PFKFB3: variants seen among roughly 807,000 people sequenced by gnomAD.
PFKFB3 encodes the protein 6-phosphofructo-2-kinase/fructose-2,6-bisphosphatase 3.
Under a neutral mutation model 68.0 loss-of-function variants are expected in PFKFB3, and 33 were observed. The ratio of observed to expected loss-of-function variants is 0.49; its 90% CI spans 0.37 to 0.65. The LOEUF is 0.65. PFKFB3 is among the 30% of genes least tolerant of loss of function. The pLI, the probability that PFKFB3 is intolerant of heterozygous loss-of-function variation, is 0.00. For missense variants in PFKFB3, 586 were observed against 712.2 expected (o/e 0.82, Z 2.02); for synonymous variants, 315 against 288.2 (o/e 1.09, Z -0.94).
chr10:6,238,477 C>CAAAAAAAAAAAAAAAA (rs71390201), downstream of PFKFB3, among the ~76,000 whole-genome samples: 2 of 89,556 alleles, frequency 2.2e-5, no homozygotes, highest in Admixed American at 1.1e-4. Context: ...GGTGCCATCT[C>CAAAAAAAAAAAAAAAA]AAAAAAAAAA....
At chr10:6,308,803 A>G in the PFKFB3 span, among the ~76,000 whole-genome samples, 4 of 152,352 alleles carry the variant, frequency 2.6e-5, no homozygotes, top group East Asian at 5.8e-4. Context: ...TGATCAGTGT[A>G]AATCTTTCTT....
Position 6,222,563 on chromosome 10 carries a change from T to A in PFKFB3, c.1084-292T>A, listed in dbSNP as rs1334392975. 1.3e-5 allele frequency: 3 copies of A among 239,510 alleles called. No homozygotes were observed. In the Admixed American group the frequency reaches 1.6e-4, roughly 13 times the overall value. 14.8% of individuals were successfully genotyped at this position (239,510 alleles called of 1,614,324 possible). On this transcript the variant is annotated intron_variant, in intron 10 of 14. Coordinates refer to ENST00000379775, the MANE Select transcript of PFKFB3 (RefSeq NM_004566.4). ...GCTTCCTGCATCTGGATCTGCCTATTCTGGGCATTCCATGTCAGTGGAGTC... is the reference window on the plus strand; with the variant it reads ...GCTTCCTGCATCTGGATCTGCCTATACTGGGCATTCCATGTCAGTGGAGTC...
At chr10:6,213,289 C>T (rs748772597) in intron 1 of PFKFB3, among the ~76,000 whole-genome samples, 2 of 152,126 alleles carry the variant, frequency 1.3e-5, no homozygotes, top group Non-Finnish European at 2.9e-5. Flanking sequence ...TCCCAGCACT[C>T]TGGGAGGATT....
chr10:6,203,500 C>CG lies in PFKFB3; in HGVS notation c.76+169dup, dbSNP rs1368866855. ...GGGCTGCGCGTCCTTGGCCGGGCGG[C>CG]GGGGGCGCTGTGGCCCTTGTCCCGG... On this transcript the variant is annotated intron_variant, in intron 1 of 14. Transcript: ENST00000379775. 2.0e-5 allele frequency among the ~76,000 whole-genome samples: 3 copies of CG among 149,504 alleles called. No homozygotes were observed. In the East Asian group the frequency reaches 5.9e-4, roughly 29 times the overall value.
chr10:6,251,110 A>G (rs940420315), intron 14 of PFKFB3, among the ~76,000 whole-genome samples: 32 of 152,260 alleles, frequency 2.1e-4, no homozygotes, highest in African/African-American at 7.5e-4. Context: ...GAACCAGGAA[A>G]ACCCAAAATA....
In PFKFB3 at chr10:6,226,413, G is replaced by A. The variant is rs376795459; in HGVS notation, c.1515+48G>A. 8.2e-5 allele frequency: 126 copies of A among 1,540,788 alleles called. 1 individual carries two copies. Among genetic ancestry groups the A allele is most frequent in the Admixed American group, 6.6e-4 (34 of 51,736 alleles). On this transcript the variant is annotated intron_variant, in intron 14 of 14. Coordinates refer to ENST00000379775, the MANE Select transcript of PFKFB3 (RefSeq NM_004566.4). ...CCTGCCTGGGGGACGCATGCCGGGC[G>A]TGATGCCACAGATCTGGGATTGCGT...
rs1844467973 is a variant in PFKFB3, at chr10:6,215,038, C to T, written c.203-183C>T. Reference sequence around the variant, plus strand: ...GACTGGGGAAGCCGGGCAGCCTGTGCCCTGCTGTCCTCAGGAGTTGAGGGT... The same window carrying T: ...GACTGGGGAAGCCGGGCAGCCTGTGTCCTGCTGTCCTCAGGAGTTGAGGGT... On this transcript the variant is annotated intron_variant, in intron 2 of 14. Coordinates refer to ENST00000379775, the MANE Select transcript of PFKFB3 (RefSeq NM_004566.4). This position sits in a 1 kb window ranked among gnomAD's most constrained non-coding sequence, Gnocchi z 4.3. Among the ~76,000 whole-genome samples, 1 of 152,194 alleles carries T rather than the reference C, an allele frequency of 6.6e-6. No homozygotes were observed. Among genetic ancestry groups the T allele is most frequent in the Admixed American group, 6.5e-5 (1 of 15,274 alleles).
chr10:6,255,599 T>C (rs1846483779), downstream of PFKFB3, among the ~76,000 whole-genome samples: 1 of 152,236 alleles, frequency 6.6e-6, no homozygotes, highest in Non-Finnish European at 1.5e-5. Flanking sequence ...TGTACTTTTC[T>C]GTTTTGTTTG....
chr10:6,291,906 A>C, the PFKFB3 span, among the ~76,000 whole-genome samples: 2 of 149,452 alleles, frequency 1.3e-5, no homozygotes. Flanking sequence ...CTTACAACCT[A>C]CATACACTGT....
chr10:6,319,323 C>G, the PFKFB3 span, among the ~76,000 whole-genome samples: 2 of 152,220 alleles, frequency 1.3e-5, no homozygotes, highest in Non-Finnish European at 2.9e-5. Context: ...TGGAATAGTA[C>G]TCAGCCATGA....
chr10:6,216,082 A>C (rs766680450), intron 3 of PFKFB3, 43 bp from the exon 4 acceptor site: 1 of 1,579,040 alleles, frequency 6.3e-7, no homozygotes, highest in Non-Finnish European at 8.7e-7. Flanking sequence ...GCCCCAGCGG[A>C]TGCACCGGCG....
At chr10:6,225,768 G>T (rs1845307161) in intron 13 of PFKFB3, among the ~76,000 whole-genome samples, 1 of 150,852 alleles carries the variant, frequency 6.6e-6, no homozygotes, top group Non-Finnish European at 1.5e-5. Context: ...TCAGCGGAAG[G>T]GAGTCAGCAC....
the PFKFB3 span, among the ~76,000 whole-genome samples, chr10:6,295,624 T>C: frequency 3.9e-5 from 6 of 152,256 alleles, no homozygotes; most frequent in South Asian, 1.2e-3. Context: ...TTTACTTTTC[T>C]GATCAAGTCT....
At chr10:6,190,345 C>T (rs1272774075) in intron 1 of PFKFB3, among the ~76,000 whole-genome samples, 4 of 152,336 alleles carry the variant, frequency 2.6e-5, no homozygotes, top group East Asian at 1.9e-4. Flanking sequence ...CAGATTCCGT[C>T]GTTCCTTCTG....
chr10:6,232,447 G>T (rs1313531243), intron 14 of PFKFB3, among the ~76,000 whole-genome samples: 1 of 152,114 alleles, frequency 6.6e-6, no homozygotes, highest in Admixed American at 6.5e-5. Context: ...CCAGAATCTG[G>T]ATGCAGGAGC....
chr10:6,204,586 G>T (rs1327103689), intron 1 of PFKFB3, among the ~76,000 whole-genome samples: 1 of 152,224 alleles, frequency 6.6e-6, no homozygotes, highest in Non-Finnish European at 1.5e-5. Flanking sequence ...CAGGGTTCTG[G>T]GGTAGCCCTC....
intron 9 of PFKFB3, 43 bp from the exon 10 acceptor site, chr10:6,221,598 C>A (rs1438647787): frequency 1.9e-6 from 3 of 1,609,938 alleles, no homozygotes; most frequent in African/African-American, 2.7e-5. Context: ...GCCCTAGACA[C>A]CCCTGTGGTT....
intron 1 of PFKFB3, among the ~76,000 whole-genome samples, chr10:6,177,438 C>CTCTTTCTTTCTTTCTTTCTT (rs60272376): frequency 0.11 from 9,196 of 86,464 alleles, 846 homozygotes; most frequent in Non-Finnish European, 0.12. Context: ...TCTTTTCTTT[C>CTCTTTCTTTCTTTCTTTCTT]TCTTTCTTTC....
At chr10:6,198,294 C>T (rs1321367134), upstream of PFKFB3, among the ~76,000 whole-genome samples, 1 of 151,182 alleles carries the variant, frequency 6.6e-6, no homozygotes, top group African/African-American at 2.4e-5. Context: ...GAAATGCCCA[C>T]AGGAGATGGA....
Sources: gnomAD v4.1 joint callset for allele counts (sites outside exome capture counted in the v4.1 genomes callset) on GRCh38, gnomAD v4.1.1 for gene constraint, Gnocchi (gnomAD v3.1) non-coding constraint, MANE v1.5 for transcripts, NCBI Gene and HGNC (gene_info 2026-07-23, HGNC 2026-07-21) for gene names.